The following KIR2DL4 variants were observed in gnomAD, a reference collection of about 807,000 sequenced individuals.
The protein encoded by KIR2DL4 is killer cell immunoglobulin-like receptor 2DL4.
Under a neutral mutation model 31.0 loss-of-function variants are expected in KIR2DL4, and 41 were observed. The observed-to-expected ratio is 1.32, with a 90% CI of 1.03 to 1.72. The LOEUF is 1.72. KIR2DL4 is among the 40% of genes most tolerant of loss of function. The pLI, the probability that KIR2DL4 is intolerant of heterozygous loss-of-function variation, is 0.00. For missense variants in KIR2DL4, 438 were observed against 353.7 expected (o/e 1.24, Z -1.91); for synonymous variants, 164 against 133.6 (o/e 1.23, Z -1.57).
At chr19:54,805,589 G>A (rs1432955596) in intron 3 of KIR2DL4, among the ~76,000 whole-genome samples, 1 of 151,302 alleles carries the variant, frequency 6.6e-6, no homozygotes, top group Non-Finnish European at 1.5e-5. Context: ...AGCCCAGGAA[G>A]AACAGGGTCT....
At chr19:54,805,204 A>G in intron 3 of KIR2DL4, 127 bp downstream of exon 3, 1 of 887,988 alleles carries the variant, frequency 1.1e-6, no homozygotes, top group South Asian at 1.6e-5. Flanking sequence ...GGGATTGAAT[A>G]CAGGGGAATG....
exon 3 of KIR2DL4, chr19:54,804,980 C>A (rs2147883035): frequency 6.2e-7 from 1 of 1,612,028 alleles, no homozygotes; most frequent in African/African-American, 1.3e-5. Flanking sequence ...GCCCTGTGAC[C>A]CCAGCACACG....
chr19:54,813,329 C>T (rs1260033357), intron 6 of KIR2DL4: 3 of 1,547,748 alleles, frequency 1.9e-6, no homozygotes, highest in Admixed American at 4.2e-5. Flanking sequence ...AAGTCTCTGG[C>T]CCAAGGCAGG....
chr19:54,808,178 C>T (rs1245761785), intron 4 of KIR2DL4, among the ~76,000 whole-genome samples: 7 of 149,234 alleles, frequency 4.7e-5, no homozygotes, highest in Admixed American at 1.3e-4. Flanking sequence ...GCTTCCTTTG[C>T]GGTGCAGAAG....
exon 7 of KIR2DL4, chr19:54,813,731 G>A: frequency 1.2e-6 from 2 of 1,612,044 alleles, no homozygotes; most frequent in Non-Finnish European, 1.7e-6. Flanking sequence ...ACACAGAACA[G>A]TGAACAGGGA....
chr19:54,807,462 C>G (rs77055523), intron 4 of KIR2DL4, among the ~76,000 whole-genome samples: 1,787 of 151,188 alleles, frequency 0.012, 90 homozygotes, highest in African/African-American at 0.04. Context: ...TTTGACATAG[C>G]GTTTCACTCT....
exon 5 of KIR2DL4, chr19:54,808,848 G>T (rs1463420736): frequency 8.1e-6 from 13 of 1,600,402 alleles, no homozygotes; most frequent in Non-Finnish European, 1.1e-5. Flanking sequence ...CCTTCTAGTA[G>T]TTGGCCTTCA....
exon 8 of KIR2DL4, chr19:54,814,028 G>T: frequency 6.2e-7 from 1 of 1,612,362 alleles, no homozygotes; most frequent in Non-Finnish European, 8.5e-7. Context: ...CCACAGTCAG[G>T]CCTTGATGGG....
rs1444621695 is a variant in KIR2DL4, at chr19:54,807,412, G to A, written c.655+1168G>A. The stretch of plus-strand genomic sequence containing the variant: ...ACTAGTGGAATTGCTAGATCCTCTG[G>A]ATGTTCTCTTTTTAGGTTTTGTTTT... On this transcript the variant is annotated intron_variant, in intron 4 of 7. Transcript: ENST00000359085. Among the ~76,000 whole-genome samples the A allele has an allele frequency of 5.5e-4, 83 of 151,506 alleles. 2 individuals carry two copies. The highest frequency in any genetic ancestry group is 1.9e-3 in the African/African-American group (79 of 41,140).
chr19:54,806,371 A>G (rs2060531174), intron 4 of KIR2DL4, 127 bp downstream of exon 4: 1 of 1,099,066 alleles, frequency 9.1e-7, no homozygotes. Flanking sequence ...TGAGGGTGGG[A>G]TCAGGGCACA....
chr19:54,808,312 T>C (rs2060648460), intron 4 of KIR2DL4, among the ~76,000 whole-genome samples: 1 of 151,158 alleles, frequency 6.6e-6, no homozygotes, highest in African/African-American at 2.4e-5. Context: ...TCTCCAGTGT[T>C]TCCTTTTAGA....
intron 5 of KIR2DL4, among the ~76,000 whole-genome samples, chr19:54,809,578 A>T (rs1312954743): frequency 6.6e-6 from 1 of 151,298 alleles, no homozygotes. Flanking sequence ...TGTTCCAGGC[A>T]AGAATCTGCT....
exon 4 of KIR2DL4, chr19:54,806,127 G>A (rs2060510270): frequency 1.2e-6 from 2 of 1,612,078 alleles, no homozygotes; most frequent in Non-Finnish European, 1.7e-6. Context: ...AACATTCCAG[G>A]CCGACTTCCC....
At position 54,804,831 on chromosome 19, in the gene KIR2DL4, G is replaced by A. The variant is rs369994438; in HGVS notation, c.115G>A (p.Ala39Thr). The change falls in exon 3 of 8, where the codon GCT becomes ACT. Residue 39 changes from alanine to threonine, a missense_variant. Physicochemically the swap from Ala to Thr is moderately conservative, Grantham distance 58 (BLOSUM62 0). Coordinates refer to ENST00000359085, the Ensembl canonical transcript of KIR2DL4. ...GCCCTTCTGCTCTGCCTGGCCCAGC[G>A]CTGTGGTGCCTCAAGGAGGACACGT... is the stretch of plus-strand genomic sequence containing the variant. The A allele has an allele frequency of 4.2e-5, 68 of 1,612,268 alleles. 1 individual carries two copies. Among genetic ancestry groups the A allele is most frequent in the East Asian group, 1.6e-4 (7 of 44,852 alleles).
At chr19:54,813,544 C>T in intron 6 of KIR2DL4, 146 bp from the exon 6 acceptor site, 1 of 858,476 alleles carries the variant, frequency 1.2e-6, no homozygotes, top group Middle Eastern at 3.2e-4. Context: ...GTCTTGCACT[C>T]AGAGAGATGG....
intron 5 of KIR2DL4, among the ~76,000 whole-genome samples, chr19:54,812,765 T>C (rs1235885747): frequency 6.9e-6 from 1 of 145,140 alleles, no homozygotes; most frequent in South Asian, 2.2e-4. Flanking sequence ...AGGGTACTAA[T>C]AGAGGGAGAA....
exon 1 of KIR2DL4, chr19:54,803,651 C>G (rs2060315209): frequency 5.0e-6 from 8 of 1,612,132 alleles, no homozygotes; most frequent in Non-Finnish European, 6.8e-6. Flanking sequence ...GAAGCTGCAC[C>G]ATGTCCATGT....
rs774907409 is a variant in KIR2DL4 at position 54,814,047 on chromosome 19, G to A, written c.*247G>A. 64 of 1,612,194 alleles carry A rather than the reference G, an allele frequency of 4.0e-5. 3 individuals are homozygous for A. In the African/African-American group the frequency reaches 4.2e-4, roughly 10 times the overall value. Reference sequence around the variant, plus strand: ...AGTCAGGCCTTGATGGGATCTTCTAGGGAGACAACAGCCCTGTCTCAAACC... The same window carrying A: ...AGTCAGGCCTTGATGGGATCTTCTAAGGAGACAACAGCCCTGTCTCAAACC... On this transcript the variant is annotated 3_prime_UTR_variant, in exon 8 of 8. Coordinates refer to ENST00000359085, the Ensembl canonical transcript of KIR2DL4.
chr19:54,805,271 A>C (rs919714367), intron 3 of KIR2DL4, among the ~76,000 whole-genome samples, 194 bp downstream of exon 3: 1 of 151,280 alleles, frequency 6.6e-6, no homozygotes, highest in Non-Finnish European at 1.5e-5. Context: ...TAATCCTTGG[A>C]GCCTGTGACT....
Sources: gnomAD v4.1 joint callset for allele counts (sites outside exome capture counted in the v4.1 genomes callset) on GRCh38, gnomAD v4.1.1 for gene constraint, MANE v1.5 for transcripts, NCBI Gene and HGNC (gene_info 2026-07-23, HGNC 2026-07-21) for gene names.